The following MXRA5 variants were observed in gnomAD, a reference collection of about 807,000 sequenced individuals.
MXRA5 encodes matrix-remodeling-associated protein 5.
Under a neutral mutation model 112.5 loss-of-function variants are expected in MXRA5, and 41 were observed. The observed-to-expected ratio is 0.36, with a 90% CI of 0.28 to 0.47. The LOEUF (loss-of-function observed/expected upper bound fraction) is 0.47, where lower values mean the gene tolerates loss of function less well. Among genes scored for constraint, MXRA5 ranks in the 20% least tolerant of loss-of-function variants. The pLI, the probability that MXRA5 is intolerant of heterozygous loss-of-function variation, is 0.99. For synonymous variants in MXRA5, 862 were observed against 900.8 expected, an observed-to-expected ratio of 0.96 and a Z score of 0.77; for missense variants, 2,150 against 2,251.0, an observed-to-expected ratio of 0.96 and a Z score of 0.91.
Position 3,320,799 on chromosome X carries a change from G to T in MXRA5, c.4886C>A (p.Ala1629Asp). The T allele has an allele frequency of 2.5e-6, 3 of 1,212,175 alleles. No homozygotes were observed. The highest frequency in any genetic ancestry group is 3.3e-6 in the Non-Finnish European group (3 of 895,639). Reference sequence around the variant, plus strand: ...CTGGGAAGTTACAAAGTATCTGGAAGCGCTTTGTGTGGACATTTCAGGCAG... The same window carrying T: ...CTGGGAAGTTACAAAGTATCTGGAATCGCTTTGTGTGGACATTTCAGGCAG... Reference protein sequence around the residue: ...VRLPEMSTQSASRYFVTSQSP... With the variant: ...VRLPEMSTQSDSRYFVTSQSP... Residue 1629 changes from alanine (A) to aspartate (D), a missense_variant, in exon 5 of 7, where the codon GCT becomes GAT. By Grantham distance (126) the Ala-to-Asp change is moderately radical. Around this residue, in one of 6 missense-constraint regions of MXRA5, gnomAD observed 1,485 missense variants for 1,471.6 expected, o/e 1.01. Coordinates refer to ENST00000217939, the MANE Select transcript of MXRA5 (RefSeq NM_015419.4).
At chrX:3,318,640 A>C (rs1433253894) in intron 5 of MXRA5, among the ~76,000 whole-genome samples, 1 of 111,984 alleles carries the variant, frequency 8.9e-6, no homozygotes, top group Non-Finnish European at 1.9e-5. Context: ...TCCTCATAAA[A>C]CTAACAATAG....
chrX:3,341,425 ATG>A (rs1193018671), intron 2 of MXRA5, among the ~76,000 whole-genome samples: 7 of 16,548 alleles, frequency 4.2e-4, no homozygotes, highest in Admixed American at 1.3e-3. Context: ...TATATAATAT[ATG>A]TAATATATAT....
At position 3,308,938 on chromosome X, in the gene MXRA5, T is replaced by C. The variant is rs1163523260; in HGVS notation, c.*778A>G. On this transcript the variant is annotated 3_prime_UTR_variant, in exon 7 of 7. Coordinates refer to ENST00000217939, the MANE Select transcript of MXRA5 (RefSeq NM_015419.4). ...CAGTGGTGACTGAATTTGAAGGAGGTTGGAGAGAAATTTTTTAAAATTATA... is the reference window on the plus strand; with the variant it reads ...CAGTGGTGACTGAATTTGAAGGAGGCTGGAGAGAAATTTTTTAAAATTATA... The C allele has an allele frequency of 9.0e-6, 1 of 111,271 alleles. No homozygotes were observed. The highest frequency in any genetic ancestry group is 1.9e-5 in the Non-Finnish European group (1 of 53,034). The allele number at this position is 111,271 out of a possible 1,213,427, so 9.2% of individuals were successfully genotyped here. A position where few individuals can be genotyped will look rare whatever the true frequency, so the allele number is the denominator to read the frequency against.
At chrX:3,328,701 A>G (rs1398597836) in intron 4 of MXRA5, among the ~76,000 whole-genome samples, 1 of 107,657 alleles carries the variant, frequency 9.3e-6, no homozygotes, top group Non-Finnish European at 1.9e-5. Flanking sequence ...GGTAAACACA[A>G]TGCAATCTAA....
chrX:3,343,745 G>C lies in MXRA5; in HGVS notation c.89C>G (p.Pro30Arg), dbSNP rs371713542. The change falls in exon 2 of 7, where the codon CCT becomes CGT. Residue 30 changes from proline to arginine, a missense_variant. By Grantham distance (103) the Pro-to-Arg change is moderately radical. Around this residue, in one of 6 missense-constraint regions of MXRA5, gnomAD observed 386 missense variants for 411.0 expected, o/e 0.94. Transcript: ENST00000217939. Reference sequence around the variant, plus strand: ...CTCGCTGGGGACGTAGCAGGCACAAGGATGCGGGCAGGCCAGCGCCACTCG... The same window carrying C: ...CTCGCTGGGGACGTAGCAGGCACAACGATGCGGGCAGGCCAGCGCCACTCG... ...HPRVALACPH[P>R]CACYVPSEVH... The C allele has an allele frequency of 1.1e-4, 131 of 1,209,906 alleles. No homozygotes were observed. Among genetic ancestry groups the C allele is most frequent in the Non-Finnish European group, 1.5e-4 (130 of 895,203 alleles).
At chrX:3,344,110 G>A (rs1009431559) in intron 1 of MXRA5, among the ~76,000 whole-genome samples, 1 of 108,987 alleles carries the variant, frequency 9.2e-6, no homozygotes, top group Non-Finnish European at 1.9e-5. Context: ...CTATGATTTG[G>A]AAATCTATCT....
Position 3,309,734 on chromosome X carries a change from A to G in MXRA5, c.8469T>C (p.Thr2823=), listed in dbSNP as rs776484394. ...KNILGSDSKT[T]YIHVF ...CCACATTTCAGAAGACGTGGATGTAAGTTGTTTTGGAGTCACTGCCGAGAA... is the reference window on the plus strand; with the variant it reads ...CCACATTTCAGAAGACGTGGATGTAGGTTGTTTTGGAGTCACTGCCGAGAA... The change falls in exon 7 of 7, where the codon ACT becomes ACC. Residue 2823 remains threonine, a synonymous_variant. Coordinates refer to ENST00000217939, the MANE Select transcript of MXRA5 (RefSeq NM_015419.4). The G allele has an allele frequency of 1.7e-6, 2 of 1,210,159 alleles. No homozygotes were observed. Among genetic ancestry groups the G allele is most frequent in the Non-Finnish European group, 1.1e-6 (1 of 894,371 alleles).
chrX:3,343,812 C>T lies in MXRA5; in HGVS notation c.22G>A (p.Gly8Arg). ...AGGATCAGCACCACGGAGAGGGCCC[C>T]CCAGTGCGCGCGCTTGGGCATCTTG... MPKRAHW[G>R]ALSVVLILLW... is the part of the protein sequence containing the mutation. Residue 8 changes from glycine to arginine, a missense_variant, in exon 2 of 7, where the codon GGG (glycine) becomes AGG (arginine). By Grantham distance (125) the Gly-to-Arg change is moderately radical. Around this residue, in one of 6 missense-constraint regions of MXRA5, gnomAD observed 386 missense variants for 411.0 expected, o/e 0.94. Transcript: ENST00000217939. 2.5e-6 allele frequency: 3 copies of T among 1,205,948 alleles called. No homozygotes were observed. The highest frequency in any genetic ancestry group is 2.2e-5 in the Admixed American group (1 of 45,699).
At position 3,321,697 on chromosome X, in the gene MXRA5, C is replaced by T. The variant is rs1444512207; in HGVS notation, c.3988G>A (p.Val1330Ile). The T allele has an allele frequency of 5.0e-6, 6 of 1,209,096 alleles. No individual in the cohort carries two copies. In the African/African-American group the frequency reaches 1.0e-4, roughly 21 times the overall value. Residue 1330 changes from valine to isoleucine, a missense_variant, in exon 5 of 7, where the codon GTT becomes ATT. Physicochemically the swap from Val to Ile is conservative, Grantham distance 29. Transcript: ENST00000217939. ...TTATGTTTGTCAACATTTGTGGCAA[C>T]ATCATCCTTAATTTCTTTTCCATCT... ...TSDGKEIKDD[V>I]ATNVDKHKSD...
At chrX:3,342,812 G>GT (rs1250447010) in intron 2 of MXRA5, among the ~76,000 whole-genome samples, 1 of 112,142 alleles carries the variant, frequency 8.9e-6, no homozygotes, top group African/African-American at 3.2e-5. Context: ...ATGGAGGAGA[G>GT]TTTTTTCTTT....
rs1389842707 is a variant in MXRA5 at position 3,309,468 on chromosome X, T to G, written c.*248A>C. The G allele has an allele frequency of 7.7e-6, 3 of 391,710 alleles. No homozygotes were observed. The highest frequency in any genetic ancestry group is 1.3e-5 in the Non-Finnish European group (3 of 228,457). The allele number at this position is 391,710 out of a possible 1,213,427, so 32.3% of individuals were successfully genotyped here. A position where few individuals can be genotyped will look rare whatever the true frequency, so the allele number is the denominator to read the frequency against. The stretch of plus-strand genomic sequence containing the variant: ...AATTGCAGTCAGAGCACAGACACCC[T>G]GAATGAAGCCCCTGGCATGATGTAA... On this transcript the variant is annotated 3_prime_UTR_variant, in exon 7 of 7. Coordinates refer to ENST00000217939, the MANE Select transcript of MXRA5 (RefSeq NM_015419.4).
Position 3,323,724 on chromosome X carries a change from A to G in MXRA5, c.1961T>C (p.Val654Ala), listed in dbSNP as rs1481381858. ...AAAATGGTCTGCCCCTTGCTGGTTG[A>G]CAGCCACACATCTGTAGTAACCACT... The part of the protein sequence containing the change: ...SDSGYYRCVA[V>A]NQQGADHFTV... The change falls in exon 5 of 7, where the codon GTC becomes GCC. Residue 654 changes from valine to alanine, a missense_variant. Physicochemically the swap from Val to Ala is moderately conservative, Grantham distance 64 (BLOSUM62 0). This residue lies in a region of MXRA5 where 1,485 missense variants were observed against 1,471.6 expected (regional missense o/e 1.01). Transcript: ENST00000217939. 9.9e-6 allele frequency: 12 copies of G among 1,211,214 alleles called. No individual in the cohort carries two copies. Among genetic ancestry groups the G allele is most frequent in the Admixed American group, 6.5e-5 (3 of 46,010 alleles).
intron 4 of MXRA5, among the ~76,000 whole-genome samples, chrX:3,327,026 G>A (rs755890131): frequency 1.6e-4 from 18 of 111,003 alleles, no homozygotes; most frequent in Admixed American, 2.9e-4. Context: ...GTAGAATCTC[G>A]TGCCTGTTCT....
At chrX:3,332,338 A>G (rs1411968195) in intron 2 of MXRA5, among the ~76,000 whole-genome samples, 15 of 109,675 alleles carry the variant, frequency 1.4e-4, no homozygotes, top group African/African-American at 4.0e-4. Context: ...TCCGCCTCCC[A>G]GGTTCACGCC....
intron 2 of MXRA5, among the ~76,000 whole-genome samples, chrX:3,341,904 G>T (rs1035560029): frequency 2.8e-5 from 3 of 106,261 alleles, no homozygotes; most frequent in African/African-American, 1.0e-4. Context: ...CACCAAGGGT[G>T]GAGGAAAAAG....
intron 5 of MXRA5, among the ~76,000 whole-genome samples, chrX:3,319,722 G>C (rs765815295): frequency 9.0e-6 from 1 of 111,406 alleles, no homozygotes; most frequent in East Asian, 2.8e-4. Context: ...TGGATGCTAC[G>C]CTGGCTACCT....
chrX:3,343,645 C>T lies in MXRA5; in HGVS notation c.188+1G>A. The T allele has an allele frequency of 1.7e-6, 2 of 1,209,665 alleles. No individual in the cohort carries two copies. Among genetic ancestry groups the T allele is most frequent in the Non-Finnish European group, 2.2e-6 (2 of 893,996 alleles). ...AGGTTCGGGAAGAAAGTGGTACAAACCCCAAATTGATTCTTTCCACGTGTT... is the reference window on the plus strand; with the variant it reads ...AGGTTCGGGAAGAAAGTGGTACAAATCCCAAATTGATTCTTTCCACGTGTT... On this transcript the variant is annotated splice_donor_variant, in intron 2 of 6. Coordinates refer to ENST00000217939, the MANE Select transcript of MXRA5 (RefSeq NM_015419.4). LOFTEE classifies it high-confidence loss of function.
At position 3,323,354 on chromosome X, in the gene MXRA5, C is replaced by A. The variant is rs1166171455; in HGVS notation, c.2331G>T (p.Gln777His). The A allele has an allele frequency of 1.7e-6, 2 of 1,211,831 alleles. No homozygotes were observed. The highest frequency in any genetic ancestry group is 2.3e-4 in the Middle Eastern group (1 of 4,345). The change falls in exon 5 of 7, where the codon CAG becomes CAT. Residue 777 changes from glutamine to histidine, a missense_variant. Coordinates refer to ENST00000217939, the MANE Select transcript of MXRA5 (RefSeq NM_015419.4). ...SRRRINMANK[Q>H]INPERWADIL... ...TATCAGCCCAGCGCTCCGGATTAAT[C>A]TGTTTGTTTGCCATGTTTATCCTTC...
chrX:3,325,760 A>C (rs1921444842), intron 4 of MXRA5, among the ~76,000 whole-genome samples: 1 of 42,538 alleles, frequency 2.4e-5, no homozygotes, highest in African/African-American at 5.8e-5. Context: ...CATCATATTT[A>C]CTTTTTTAAG....
Sources: allele counts gnomAD v4.1 joint callset (sites outside exome capture counted in the v4.1 genomes callset), GRCh38; gene constraint gnomAD v4.1.1; regional missense constraint gnomAD v4.1.1; transcripts MANE v1.5; gene names NCBI Gene and HGNC (gene_info 2026-07-23, HGNC 2026-07-21).